PDE1A: variants seen among roughly 807,000 people sequenced by gnomAD.
PDE1A encodes the protein dual specificity calcium/calmodulin-dependent 3',5'-cyclic nucleotide phosphodiesterase 1A.
Under a neutral mutation model 61.7 loss-of-function variants are expected in PDE1A, and 35 were observed. The ratio of observed to expected loss-of-function variants is 0.57; its 90% CI spans 0.43 to 0.75. The LOEUF (loss-of-function observed/expected upper bound fraction) is 0.75. Ranked by LOEUF, PDE1A falls within the 30% of genes least tolerant of loss-of-function variation. PDE1A has a pLI of 0.00. For synonymous variants in PDE1A, 232 were observed against 213.2 expected (o/e 1.09, Z -0.77); for missense variants, 597 against 630.6 (o/e 0.95, Z 0.57).
At chr2:182,664,763 G>A in the PDE1A span, among the ~76,000 whole-genome samples, 2 of 152,122 alleles carry the variant, frequency 1.3e-5, no homozygotes, top group Admixed American at 1.3e-4. Flanking sequence ...TTGGATCCAT[G>A]GAACTTCTGG....
intron 1 of PDE1A, among the ~76,000 whole-genome samples, chr2:182,373,474 G>T (rs1222518147): frequency 6.6e-6 from 1 of 152,126 alleles, no homozygotes; most frequent in Admixed American, 6.5e-5. Context: ...TAAGTGATTT[G>T]GTCATGGTGG....
the PDE1A span, among the ~76,000 whole-genome samples, chr2:182,545,194 C>G: frequency 1.3e-5 from 2 of 152,194 alleles, no homozygotes; most frequent in Non-Finnish European, 2.9e-5. Flanking sequence ...TACTCCCTGT[C>G]TCTGCTGTGG....
At chr2:182,698,872 T>C in the PDE1A span, among the ~76,000 whole-genome samples, 1 of 152,204 alleles carries the variant, frequency 6.6e-6, no homozygotes, top group African/African-American at 2.4e-5. Context: ...TTAATGTTCT[T>C]TTCAAGCTGA....
intron 1 of PDE1A, among the ~76,000 whole-genome samples, chr2:182,398,000 ACAT>A (rs1701803398): frequency 6.6e-6 from 1 of 152,130 alleles, no homozygotes; most frequent in Non-Finnish European, 1.5e-5. Context: ...AAAGATGTTT[ACAT>A]GAGAGACATG....
chr2:182,569,514 G>A, the PDE1A span, among the ~76,000 whole-genome samples: 3 of 152,052 alleles, frequency 2.0e-5, no homozygotes, highest in African/African-American at 7.2e-5. Context: ...CAAGCAGTAG[G>A]ATGGTAGAAG....
At chr2:182,381,988 A>G (rs1182517800) in intron 1 of PDE1A, among the ~76,000 whole-genome samples, 1 of 152,028 alleles carries the variant, frequency 6.6e-6, no homozygotes, top group Non-Finnish European at 1.5e-5. Flanking sequence ...TGTAACAATT[A>G]TTATTTGCAG....
At chr2:182,358,141 C>T (rs934917450) in intron 1 of PDE1A, among the ~76,000 whole-genome samples, 21 of 152,138 alleles carry the variant, frequency 1.4e-4, no homozygotes, top group Admixed American at 5.2e-4. Context: ...TTTTTAGGGA[C>T]GAATCCGATG....
At position 182,217,537 on chromosome 2, in the gene PDE1A, T is replaced by G. The variant is rs1688303054; in HGVS notation, c.776+6327A>C. On this transcript the variant is annotated intron_variant, in intron 7 of 13. Coordinates refer to ENST00000351439, the Ensembl canonical transcript of PDE1A. ...CTACTCATCTGACAAAGGGCTAATATCCAGACTCTACAATGAACTCAAACA... is the reference window on the plus strand; with the variant it reads ...CTACTCATCTGACAAAGGGCTAATAGCCAGACTCTACAATGAACTCAAACA... 2.0e-5 allele frequency among the ~76,000 whole-genome samples: 3 copies of G among 146,752 alleles called. No individual in the cohort carries two copies. In the South Asian group the frequency reaches 6.7e-4, roughly 33 times the overall value.
At chr2:182,618,132 G>A in the PDE1A span, among the ~76,000 whole-genome samples, 2 of 152,074 alleles carry the variant, frequency 1.3e-5, no homozygotes, top group Admixed American at 1.3e-4. Flanking sequence ...TTATTTGTGA[G>A]AAATTACAGG....
At chr2:182,300,846 G>T (rs1048717631) in intron 1 of PDE1A, among the ~76,000 whole-genome samples, 1 of 152,114 alleles carries the variant, frequency 6.6e-6, no homozygotes, top group Non-Finnish European at 1.5e-5. Flanking sequence ...TAATTACTGT[G>T]ACATGAATGT....
intron 1 of PDE1A, among the ~76,000 whole-genome samples, chr2:182,273,445 A>AT (rs1260400137): frequency 6.6e-6 from 1 of 151,522 alleles, no homozygotes; most frequent in Admixed American, 6.6e-5. Context: ...TAAGCCAAGG[A>AT]TAAAAAAAAA....
At chr2:182,383,613 G>C (rs943685616) in intron 1 of PDE1A, among the ~76,000 whole-genome samples, 7 of 152,156 alleles carry the variant, frequency 4.6e-5, no homozygotes, top group Non-Finnish European at 8.8e-5. Context: ...CAAGATGGCA[G>C]AGTATGGCCC....
intron 2 of PDE1A, among the ~76,000 whole-genome samples, chr2:182,470,582 T>C (rs1173542107): frequency 6.6e-6 from 1 of 151,844 alleles, no homozygotes; most frequent in Non-Finnish European, 1.5e-5. Flanking sequence ...AGTAAATACA[T>C]ACAGGAAGCT....
At chr2:182,312,060 T>G (rs1314795783) in intron 1 of PDE1A, among the ~76,000 whole-genome samples, 2 of 152,214 alleles carry the variant, frequency 1.3e-5, no homozygotes, top group Non-Finnish European at 2.9e-5. Flanking sequence ...TCTTTTCATG[T>G]GCTTACTTGC....
chr2:182,460,164 C>T lies in PDE1A; in HGVS notation c.101+62112G>A, dbSNP rs116121306. ...CTAAAAATACAAATCTGCATAAAAT[C>T]CATCAATCCAACTATTGTTATCTTT... On this transcript the variant is annotated intron_variant, in intron 2 of 14. Coordinates refer to the PDE1A transcript ENST00000410103. Among the ~76,000 whole-genome samples the T allele has an allele frequency of 8.1e-3, 1,235 of 152,236 alleles. 7 individuals carry two copies. The highest frequency in any genetic ancestry group is 0.013 in the Non-Finnish European group (908 of 68,020).
rs145924931 is a variant in PDE1A, at chr2:182,195,092, T to C, written c.1126-6032A>G. On this transcript the variant is annotated intron_variant, in intron 10 of 13. Coordinates refer to ENST00000351439, the Ensembl canonical transcript of PDE1A. ...TCAAAAAGGAAAATACTTCTCTTAA[T>C]TGGTTACTTTTTAAACTTGATGATT... 1.1e-4 allele frequency among the ~76,000 whole-genome samples: 16 copies of C among 152,246 alleles called. No homozygotes were observed. In the East Asian group the frequency reaches 1.7e-3, roughly 17 times the overall value.
chr2:182,653,604 C>T, the PDE1A span, among the ~76,000 whole-genome samples: 67 of 152,294 alleles, frequency 4.4e-4, no homozygotes, highest in Non-Finnish European at 6.8e-4. Context: ...AAACCCATAT[C>T]TAGAAAAGAT....
chr2:182,689,325 T>G, the PDE1A span, among the ~76,000 whole-genome samples: 60 of 152,228 alleles, frequency 3.9e-4, no homozygotes, highest in African/African-American at 1.3e-3. Flanking sequence ...TATAACAAAC[T>G]GTCTCTCAGA....
intron 2 of PDE1A, among the ~76,000 whole-genome samples, chr2:182,258,851 G>A (rs976725108): frequency 6.6e-6 from 1 of 152,124 alleles, no homozygotes; most frequent in Non-Finnish European, 1.5e-5. Flanking sequence ...TTTCCTCCTT[G>A]TAATCTGTCA....
Sources: gnomAD v4.1 joint callset for allele counts (sites outside exome capture counted in the v4.1 genomes callset) on GRCh38, gnomAD v4.1.1 for gene constraint, MANE v1.5 for transcripts, NCBI Gene and HGNC (gene_info 2026-07-23, HGNC 2026-07-21) for gene names.